The following PRMT8 variants were observed in gnomAD, a reference collection of about 807,000 sequenced individuals.
PRMT8 encodes protein arginine N-methyltransferase 8.
A neutral mutation model predicts 47.1 loss-of-function variants in PRMT8; 7 were observed. The ratio of observed to expected loss-of-function variants is 0.15; its 90% confidence interval spans 0.08 to 0.28. The LOEUF (loss-of-function observed/expected upper bound fraction) is 0.28. PRMT8 is among the 10% of genes least tolerant of loss of function. The pLI is 1.00. For missense variants in PRMT8, 237 were observed against 505.4 expected (o/e 0.47, Z 5.09); for synonymous variants, 188 against 186.5 (o/e 1.01, Z -0.07).
intron 1 of PRMT8, 133 bp downstream of exon 1, chr12:3,491,833 T>TC (rs374358899): frequency 0.34 from 14,708 of 43,470 alleles, 516 homozygotes; most frequent in South Asian, 0.45. Flanking sequence ...GGCCTCCTCC[T>TC]GTGTGTGTGT....
Position 3,467,638 on chromosome 12 carries a change from A to G in PRMT8, c.49-72968A>G, listed in dbSNP as rs559611632. 2.4e-4 allele frequency among the ~76,000 whole-genome samples: 37 copies of G among 152,350 alleles called. No homozygotes were observed. In the South Asian group the frequency reaches 6.6e-3, roughly 27 times the overall value. On this transcript the variant is annotated intron_variant, in intron 1 of 9. Coordinates refer to the PRMT8 transcript ENST00000452611. ...AGACCAGCTTAAGGACAGAATTCCC[A>G]GGCCCCTGTCGACTGTGGACTTTCC... is the stretch of plus-strand genomic sequence containing the variant.
At chr12:3,441,296 G>A (rs548745025) in intron 1 of PRMT8, among the ~76,000 whole-genome samples, 2 of 152,232 alleles carry the variant, frequency 1.3e-5, no homozygotes, top group African/African-American at 4.8e-5. Context: ...CATAATGAAT[G>A]TATTAGTAAG....
rs769146723 is a variant in PRMT8, at chr12:3,514,090, A to G, written c.75+22390A>G. Among the ~76,000 whole-genome samples the G allele has an allele frequency of 6.6e-6, 1 of 152,194 alleles. No homozygotes were observed. The highest frequency in any genetic ancestry group is 1.5e-5 in the Non-Finnish European group (1 of 68,014). On this transcript the variant is annotated intron_variant, in intron 1 of 9. Transcript: ENST00000382622. The surrounding 1 kb of genome is among the most constrained non-coding windows in gnomAD (Gnocchi z 5.9). ...TTGTCCTTTGGAGAGGGAAGCTCCA[A>G]GGAGGGGACTTTGTCAGGGTCAAAG...
At chr12:3,555,716 A>G (rs1487902323) in intron 4 of PRMT8, among the ~76,000 whole-genome samples, 3 of 152,212 alleles carry the variant, frequency 2.0e-5, no homozygotes, top group African/African-American at 7.2e-5. Context: ...TGCAGCAGGA[A>G]CTGAGGCAGC....
intron 4 of PRMT8, among the ~76,000 whole-genome samples, chr12:3,560,363 A>T (rs1866613693): frequency 6.6e-6 from 1 of 152,208 alleles, no homozygotes; most frequent in African/African-American, 2.4e-5. Flanking sequence ...AGCTCCCGTG[A>T]TGGAGTTATT....
At chr12:3,536,002 A>G (rs1034131756) in intron 1 of PRMT8, among the ~76,000 whole-genome samples, 1 of 152,176 alleles carries the variant, frequency 6.6e-6, no homozygotes, top group Non-Finnish European at 1.5e-5. Flanking sequence ...TCAAGTCTCA[A>G]GAGCCTTCAG....
intron 4 of PRMT8, among the ~76,000 whole-genome samples, chr12:3,565,802 T>C (rs1260124099): frequency 6.6e-6 from 1 of 152,154 alleles, no homozygotes; most frequent in East Asian, 1.9e-4. Context: ...GTAACTCTCT[T>C]TGGGGGACAC....
At chr12:3,425,165 G>C (rs1159683740) in intron 1 of PRMT8, among the ~76,000 whole-genome samples, 2 of 152,222 alleles carry the variant, frequency 1.3e-5, no homozygotes. Context: ...AACTTCGATG[G>C]TTATGTGGGA....
intron 1 of PRMT8, among the ~76,000 whole-genome samples, chr12:3,461,295 C>A (rs577121602): frequency 3.1e-4 from 47 of 152,254 alleles, no homozygotes; most frequent in African/African-American, 1.1e-3. Context: ...CCTGTAGCAG[C>A]AGGAAGCTCT....
chr12:3,465,147 T>A (rs985001687), intron 1 of PRMT8, among the ~76,000 whole-genome samples: 1 of 115,180 alleles, frequency 8.7e-6, no homozygotes, highest in African/African-American at 2.7e-5. Context: ...TATATATATA[T>A]AATTTTTTTA....
upstream of PRMT8, among the ~76,000 whole-genome samples, chr12:3,490,713 GAGAGAGAA>G (rs1047148186): frequency 2.8e-5 from 4 of 142,884 alleles, no homozygotes; most frequent in Admixed American, 7.0e-5. Context: ...GAGAGAGAGA[GAGAGAGAA>G]AAGGATAAAG....
intron 1 of PRMT8, among the ~76,000 whole-genome samples, chr12:3,497,198 CTG>C (rs1363900605): frequency 1.3e-5 from 2 of 152,168 alleles, no homozygotes; most frequent in Non-Finnish European, 2.9e-5. Flanking sequence ...AAAGCAGCCT[CTG>C]TGTGTGAGAA....
rs996123258 is a variant in PRMT8, at chr12:3,508,908, C to T, written c.75+17208C>T. 4.6e-5 allele frequency among the ~76,000 whole-genome samples: 7 copies of T among 152,178 alleles called. No homozygotes were observed. The highest frequency in any genetic ancestry group is 1.7e-4 in the African/African-American group (7 of 41,442). Reference sequence around the variant, plus strand: ...GTCACCAAAATCACAAGCCTGAACTCTGCTCTCTCCTTTCTCCATAACAAG... The same window carrying T: ...GTCACCAAAATCACAAGCCTGAACTTTGCTCTCTCCTTTCTCCATAACAAG... On this transcript the variant is annotated intron_variant, in intron 1 of 9. Transcript: ENST00000382622. The surrounding 1 kb of genome is among the most constrained non-coding windows in gnomAD (Gnocchi z 4.9).
intron 1 of PRMT8, among the ~76,000 whole-genome samples, chr12:3,433,728 C>G (rs1291438355): frequency 6.6e-6 from 1 of 152,178 alleles, no homozygotes; most frequent in Admixed American, 6.5e-5. Context: ...TCTCCTGCCT[C>G]ATTCTCCCGA....
intron 1 of PRMT8, among the ~76,000 whole-genome samples, chr12:3,520,043 C>T (rs190604198): frequency 1.4e-4 from 21 of 152,264 alleles, no homozygotes; most frequent in Non-Finnish European, 2.6e-4. Flanking sequence ...AAAAGTCTGC[C>T]GAGACGCTTT....
In PRMT8 at chr12:3,407,327, A is replaced by C. The variant is rs528747288; in HGVS notation, c.48+25885A>C. 3.3e-5 allele frequency among the ~76,000 whole-genome samples: 5 copies of C among 152,104 alleles called. No individual in the cohort carries two copies. The South Asian group carries it at 1.0e-3, about 32-fold the overall frequency. On this transcript the variant is annotated intron_variant, in intron 1 of 9. Coordinates refer to the PRMT8 transcript ENST00000452611. Reference sequence around the variant, plus strand: ...ACACAGCCAAACCATATCATGAAGGATAGCTTTATTGGGTATAGCATTCTA... The same window carrying C: ...ACACAGCCAAACCATATCATGAAGGCTAGCTTTATTGGGTATAGCATTCTA...
intron 1 of PRMT8, among the ~76,000 whole-genome samples, chr12:3,381,926 A>G (rs115777543): frequency 0.015 from 2,240 of 152,126 alleles, 40 homozygotes; most frequent in African/African-American, 0.049. Flanking sequence ...TTCATTCTCT[A>G]TTTCTGTAAT....
rs1867096707 is a variant in PRMT8, at chr12:3,582,917, G to A, written c.829-141G>A. 11 of 994,950 alleles carry A rather than the reference G, an allele frequency of 1.1e-5. No homozygotes were observed. The Admixed American group carries it at 1.2e-4, about 11-fold the overall frequency. 61.6% of individuals were successfully genotyped at this position (994,950 alleles called of 1,614,324 possible). A position where few individuals can be genotyped will look rare whatever the true frequency, so the allele number is the denominator to read the frequency against. The stretch of plus-strand genomic sequence containing the variant: ...GAGGTGATTGGGAGGGCGGTGGGGA[G>A]CCTGGGAAATCACCCCAAGAATAAA... On this transcript the variant is annotated intron_variant, in intron 7 of 9. Coordinates refer to ENST00000382622, the MANE Select transcript of PRMT8 (RefSeq NM_019854.5).
chr12:3,386,847 T>A (rs908568186), intron 1 of PRMT8, among the ~76,000 whole-genome samples: 1 of 152,030 alleles, frequency 6.6e-6, no homozygotes, highest in African/African-American at 2.4e-5. Flanking sequence ...GTAGCTGAGA[T>A]TACAGGCGCC....
Sources: gnomAD v4.1 joint callset for allele counts (sites outside exome capture counted in the v4.1 genomes callset) on GRCh38, gnomAD v4.1.1 for gene constraint, Gnocchi (gnomAD v3.1) non-coding constraint, MANE v1.5 for transcripts, NCBI Gene and HGNC (gene_info 2026-07-23, HGNC 2026-07-21) for gene names.